The following CNBD1 variants were observed in gnomAD, a reference collection of about 807,000 sequenced individuals.
CNBD1 encodes cyclic nucleotide-binding domain-containing protein 1.
In CNBD1, 71 loss-of-function variants were observed where a neutral mutation model predicts 54.4. The observed-to-expected ratio is 1.30, with a 90% confidence interval of 1.08 to 1.59. CNBD1 has a LOEUF of 1.59. Ranked by LOEUF, CNBD1 falls within the 40% of genes most tolerant of loss-of-function variation. CNBD1 has a pLI of 0.00. For missense variants in CNBD1, 659 were observed against 518.0 expected (o/e 1.27, Z -2.64); for synonymous variants, 182 against 170.7 (o/e 1.07, Z -0.51).
intron 2 of CNBD1, among the ~76,000 whole-genome samples, chr8:86,900,703 T>C (rs1808919212): frequency 6.6e-6 from 1 of 152,180 alleles, no homozygotes; most frequent in African/African-American, 2.4e-5. Context: ...GTTTAAATAC[T>C]TCATATAAGG....
chr8:87,309,883 G>T (rs1014202163), intron 8 of CNBD1, among the ~76,000 whole-genome samples: 1 of 152,110 alleles, frequency 6.6e-6, no homozygotes, highest in Non-Finnish European at 1.5e-5. Flanking sequence ...AATAGGAAAA[G>T]AATAAGTCAA....
chr8:87,425,577 A>G (rs572612725), intron 2 of CNBD1, among the ~76,000 whole-genome samples: 17 of 152,080 alleles, frequency 1.1e-4, no homozygotes, highest in East Asian at 3.9e-4. Context: ...AGTACCCTGC[A>G]GTGTGAGGTG....
chr8:87,330,411 C>T (rs1010433157), intron 8 of CNBD1, among the ~76,000 whole-genome samples: 5 of 151,324 alleles, frequency 3.3e-5, no homozygotes, highest in African/African-American at 7.3e-5. Context: ...TTTCTTCTTC[C>T]TTTCTTGATT....
At chr8:87,315,629 C>T (rs546725703) in intron 8 of CNBD1, among the ~76,000 whole-genome samples, 18 of 151,890 alleles carry the variant, frequency 1.2e-4, no homozygotes, top group Non-Finnish European at 2.6e-4. Context: ...AGGGGTCAGC[C>T]CTCATGACCC....
At chr8:87,034,993 T>G (rs1186171831) in intron 4 of CNBD1, among the ~76,000 whole-genome samples, 1 of 152,166 alleles carries the variant, frequency 6.6e-6, no homozygotes, top group Non-Finnish European at 1.5e-5. Flanking sequence ...TGACATTTTT[T>G]GCTGTATGTT....
chr8:87,391,750 T>A (rs1811314487), intron 2 of CNBD1, among the ~76,000 whole-genome samples: 1 of 151,936 alleles, frequency 6.6e-6, no homozygotes, highest in Non-Finnish European at 1.5e-5. Flanking sequence ...TAGAAGAAAA[T>A]TTAGAAGTAA....
chr8:87,426,665 G>A (rs371764431), intron 2 of CNBD1, among the ~76,000 whole-genome samples: 46 of 152,100 alleles, frequency 3.0e-4, no homozygotes, highest in East Asian at 7.7e-4. Context: ...AAATTGTGGC[G>A]CGGCTACCTA....
chr8:86,894,035 ATTTTTTTTTTTTTTTTTTTTTT>A (rs869060076), intron 2 of CNBD1, among the ~76,000 whole-genome samples: 3 of 52,342 alleles, frequency 5.7e-5, no homozygotes, highest in African/African-American at 1.9e-4. Flanking sequence ...TAATAGATTA[ATTTTTTTTTTTTTTTTTTTTTT>A]TTTTTTTTTT....
At chr8:87,208,981 A>G (rs1264209770) in intron 5 of CNBD1, among the ~76,000 whole-genome samples, 1 of 152,096 alleles carries the variant, frequency 6.6e-6, no homozygotes, top group African/African-American at 2.4e-5. Flanking sequence ...TTTAACAACT[A>G]AAAATATGGT....
intron 2 of CNBD1, among the ~76,000 whole-genome samples, chr8:87,389,108 A>G (rs184485103): frequency 9.9e-5 from 15 of 151,998 alleles, no homozygotes; most frequent in Admixed American, 9.8e-4. Flanking sequence ...TCTCAAAATT[A>G]TAAGAGCTAT....
At chr8:87,132,046 CT>C (rs1246760834) in intron 4 of CNBD1, among the ~76,000 whole-genome samples, 1 of 151,842 alleles carries the variant, frequency 6.6e-6, no homozygotes, top group Admixed American at 6.6e-5. Flanking sequence ...GCTACAGTTT[CT>C]TCTGGCCTCT....
intron 2 of CNBD1, among the ~76,000 whole-genome samples, chr8:86,891,033 C>A (rs906839802): frequency 4.0e-5 from 6 of 151,722 alleles, no homozygotes; most frequent in African/African-American, 1.5e-4. Context: ...TTCTCTCATT[C>A]TGTAGGTTGT....
At chr8:87,173,946 TTTTA>T (rs998738048) in intron 4 of CNBD1, among the ~76,000 whole-genome samples, 2 of 151,462 alleles carry the variant, frequency 1.3e-5, no homozygotes, top group African/African-American at 2.4e-5. Flanking sequence ...GCTTGTTTCT[TTTTA>T]TTTATTTATT....
chr8:86,986,794 T>C (rs1229209201), intron 4 of CNBD1, among the ~76,000 whole-genome samples: 1 of 152,274 alleles, frequency 6.6e-6, no homozygotes, highest in Middle Eastern at 3.4e-3. Context: ...CTTATTTTTG[T>C]CCACTCTGTT....
chr8:87,156,385 C>T (rs1450270869), intron 4 of CNBD1, among the ~76,000 whole-genome samples: 1 of 150,470 alleles, frequency 6.6e-6, no homozygotes, highest in African/African-American at 2.5e-5. Flanking sequence ...GCTGGAATTA[C>T]AGGCACGTAC....
intron 4 of CNBD1, among the ~76,000 whole-genome samples, chr8:87,175,117 C>T (rs1301901273): frequency 2.0e-5 from 3 of 152,170 alleles, no homozygotes; most frequent in Non-Finnish European, 2.9e-5. Context: ...TCTACAGTCT[C>T]AGGTGGTAAA....
chr8:86,960,553 C>T (rs71525079), intron 4 of CNBD1, among the ~76,000 whole-genome samples: 3,899 of 152,276 alleles, frequency 0.026, 83 homozygotes, highest in Middle Eastern at 0.054. Flanking sequence ...CTCCACCTCT[C>T]GGGGCAGTGC....
At chr8:87,075,909 T>G (rs1563458855) in intron 4 of CNBD1, among the ~76,000 whole-genome samples, 1 of 152,232 alleles carries the variant, frequency 6.6e-6, no homozygotes, top group Non-Finnish European at 1.5e-5. Context: ...TATTATTATC[T>G]TTTTATTTTT....
At chr8:87,041,603 C>T (rs1810069818) in intron 4 of CNBD1, among the ~76,000 whole-genome samples, 1 of 152,134 alleles carries the variant, frequency 6.6e-6, no homozygotes, top group Non-Finnish European at 1.5e-5. Flanking sequence ...TCGAGACCAT[C>T]CTGGCTAACA....
Sources: gnomAD v4.1 joint callset for allele counts (sites outside exome capture counted in the v4.1 genomes callset) on GRCh38, gnomAD v4.1.1 for gene constraint, MANE v1.5 for transcripts, NCBI Gene and HGNC (gene_info 2026-07-23, HGNC 2026-07-21) for gene names.